ZNF131: variants seen among roughly 807,000 people sequenced by gnomAD.
The protein encoded by ZNF131 is zinc finger and BTB domain containing 35, also known as zinc finger protein 131.
ZNF131 carries 7 observed loss-of-function variants against 60.0 expected under a neutral mutation model. That is an observed-to-expected ratio of 0.12 (90% CI 0.07 to 0.22). The LOEUF is 0.22. Among genes scored for constraint, ZNF131 ranks in the 10% least tolerant of loss-of-function variants. The pLI is 1.00. For synonymous variants in ZNF131, 257 were observed against 253.2 expected (o/e 1.01, Z -0.14); for missense variants, 493 against 740.9 (o/e 0.67, Z 3.88).
chr5:43,165,052 G>C (rs1054276799), intron 5 of ZNF131, among the ~76,000 whole-genome samples: 1 of 152,192 alleles, frequency 6.6e-6, no homozygotes, highest in Admixed American at 6.5e-5. Flanking sequence ...CTGGGCTCAA[G>C]TGATCCTTCT....
chr5:43,123,179 G>C (rs1744092834), intron 2 of ZNF131, 30 bp from the exon 3 acceptor site: 2 of 1,547,100 alleles, frequency 1.3e-6, no homozygotes, highest in East Asian at 4.5e-5. Context: ...GCTTGTGTAT[G>C]ATTTTCTTTT....
intron 4 of ZNF131, among the ~76,000 whole-genome samples, chr5:43,146,968 C>CT (rs1747666970): frequency 6.6e-6 from 1 of 152,094 alleles, no homozygotes; most frequent in South Asian, 2.1e-4. Context: ...CAGGGGAACA[C>CT]TTTTATCATT....
chr5:43,159,209 C>T (rs1265776277), intron 4 of ZNF131, among the ~76,000 whole-genome samples: 1 of 152,062 alleles, frequency 6.6e-6, no homozygotes, highest in African/African-American at 2.4e-5. Flanking sequence ...AGAGTGGGGG[C>T]ATTCTCTTTA....
At chr5:43,129,745 C>T (rs1745054290) in intron 3 of ZNF131, among the ~76,000 whole-genome samples, 1 of 152,068 alleles carries the variant, frequency 6.6e-6, no homozygotes, top group Non-Finnish European at 1.5e-5. Context: ...GCCTCTGCCT[C>T]CTGGGTTCAA....
At chr5:43,142,750 G>A (rs1026241651) in intron 4 of ZNF131, among the ~76,000 whole-genome samples, 1 of 150,930 alleles carries the variant, frequency 6.6e-6, no homozygotes, top group Non-Finnish European at 1.5e-5. Flanking sequence ...GGAGTGCAGT[G>A]GCACAATCTC....
chr5:43,172,131 C>T (rs911066065), intron 5 of ZNF131, among the ~76,000 whole-genome samples: 3 of 152,238 alleles, frequency 2.0e-5, no homozygotes, highest in Admixed American at 6.5e-5. Context: ...GGCAGTGGGC[C>T]TTCTGATCCA....
intron 4 of ZNF131, among the ~76,000 whole-genome samples, chr5:43,141,962 G>A (rs1310944859): frequency 6.6e-6 from 1 of 152,106 alleles, no homozygotes; most frequent in Non-Finnish European, 1.5e-5. Context: ...AGCTTCTACA[G>A]AGATGGTTTC....
chr5:43,127,801 G>A (rs1744743812), intron 3 of ZNF131, among the ~76,000 whole-genome samples: 1 of 152,188 alleles, frequency 6.6e-6, no homozygotes, highest in South Asian at 2.1e-4. Flanking sequence ...ATCTTCAACA[G>A]ACATTCATTC....
chr5:43,174,731 A>G lies in ZNF131; in HGVS notation c.1470A>G (p.Ser490=). Residue 490 remains serine (S), a synonymous_variant, in exon 7 of 7, where the codon TCA becomes TCG. Transcript: ENST00000682664. ...CATTGCTTCAGGTTCAGGTGGATTCAGCACAAGTGACTGTGGAACAAGTCC... is the reference window on the plus strand; with the variant it reads ...CATTGCTTCAGGTTCAGGTGGATTCGGCACAAGTGACTGTGGAACAAGTCC... ...VLPLLQVQVD[S]AQVTVEQVHP... 1 of 1,614,242 alleles carries G rather than the reference A, an allele frequency of 6.2e-7. No homozygotes were observed. The highest frequency in any genetic ancestry group is 8.5e-7 in the Non-Finnish European group (1 of 1,180,038).
At chr5:43,123,156 A>G (rs927147170) in intron 2 of ZNF131, 53 bp from the exon 3 acceptor site, 9 of 1,431,516 alleles carry the variant, frequency 6.3e-6, no homozygotes, top group African/African-American at 4.3e-5. Context: ...GTAGTTATAC[A>G]TTTGATTTTC....
chr5:43,159,442 C>A (rs1305465340), intron 4 of ZNF131, among the ~76,000 whole-genome samples: 1 of 151,992 alleles, frequency 6.6e-6, no homozygotes, highest in African/African-American at 2.4e-5. Flanking sequence ...ACCGGTAATT[C>A]CAGCACTTTG....
At chr5:43,139,029 T>A in intron 3 of ZNF131, 136 bp from the exon 4 acceptor site, 1 of 695,328 alleles carries the variant, frequency 1.4e-6, no homozygotes. Flanking sequence ...GTATTGCTAA[T>A]GAGAATTTTT....
At chr5:43,124,380 C>T (rs1579695312) in intron 3 of ZNF131, 2 of 152,124 alleles carry the variant, frequency 1.3e-5, no homozygotes, top group South Asian at 2.1e-4. Flanking sequence ...TCATTGTGTA[C>T]GTATTCTTTG....
At chr5:43,154,665 G>A (rs1224462354) in intron 4 of ZNF131, among the ~76,000 whole-genome samples, 1 of 152,202 alleles carries the variant, frequency 6.6e-6, no homozygotes, top group Non-Finnish European at 1.5e-5. Flanking sequence ...GGTGGTGCAT[G>A]TGTTACCATA....
chr5:43,132,581 G>A (rs1180730589), intron 3 of ZNF131, among the ~76,000 whole-genome samples: 1 of 143,052 alleles, frequency 7.0e-6, no homozygotes, highest in African/African-American at 2.6e-5. Context: ...CATGATCTCA[G>A]CTCACTCTAA....
chr5:43,154,445 G>A (rs546531406), intron 4 of ZNF131, among the ~76,000 whole-genome samples: 1 of 151,904 alleles, frequency 6.6e-6, no homozygotes, highest in Non-Finnish European at 1.5e-5. Flanking sequence ...CAGAAATGTC[G>A]GCAATGGTGA....
At chr5:43,164,874 A>G (rs926464841) in intron 5 of ZNF131, among the ~76,000 whole-genome samples, 6 of 152,264 alleles carry the variant, frequency 3.9e-5, no homozygotes, top group Non-Finnish European at 1.5e-5. Context: ...CCGAACCCCC[A>G]CTTCATTGTT....
intron 1 of ZNF131, 162 bp from the exon 2 acceptor site, chr5:43,121,877 G>A (rs1743879388): frequency 1.6e-5 from 12 of 746,466 alleles, no homozygotes; most frequent in Non-Finnish European, 2.4e-5. Context: ...ACGCTCCGGG[G>A]CCGCTCGGCT....
At chr5:43,155,453 T>C (rs1019692777) in intron 4 of ZNF131, among the ~76,000 whole-genome samples, 2 of 152,128 alleles carry the variant, frequency 1.3e-5, no homozygotes, top group African/African-American at 4.8e-5. Flanking sequence ...AACCGTTGGG[T>C]AGAGGCTGCC....
Sources: gnomAD v4.1 joint callset for allele counts (sites outside exome capture counted in the v4.1 genomes callset) on GRCh38, gnomAD v4.1.1 for gene constraint, MANE v1.5 for transcripts, NCBI Gene and HGNC (gene_info 2026-07-23, HGNC 2026-07-21) for gene names.